LRP8: variants seen among roughly 807,000 people sequenced by gnomAD.
The protein encoded by LRP8 is low-density lipoprotein receptor-related protein 8.
Under a neutral mutation model 111.6 loss-of-function variants are expected in LRP8, and 46 were observed. That is an observed-to-expected ratio of 0.41 (90% CI 0.33 to 0.53). LRP8 has a LOEUF of 0.53. LRP8 is among the 20% of genes least tolerant of loss of function. The pLI, the probability that LRP8 is intolerant of heterozygous loss-of-function variation, is 0.20. For missense variants in LRP8, 959 were observed against 1,297.4 expected (o/e 0.74, Z 4.01); for synonymous variants, 464 against 511.2 (o/e 0.91, Z 1.24).
intron 2 of LRP8, among the ~76,000 whole-genome samples, chr1:53,319,560 G>C (rs1654228819): frequency 6.6e-6 from 1 of 152,224 alleles, no homozygotes; most frequent in Admixed American, 6.5e-5. Flanking sequence ...CTCTCCCATT[G>C]TGGGTACCTA....
At chr1:53,319,147 C>T (rs1321200529) in intron 2 of LRP8, among the ~76,000 whole-genome samples, 1 of 152,160 alleles carries the variant, frequency 6.6e-6, no homozygotes, top group East Asian at 1.9e-4. Flanking sequence ...TAATGAACTC[C>T]TGCACCGCCT....
intron 15 of LRP8, among the ~76,000 whole-genome samples, chr1:53,256,389 G>A (rs914411897): frequency 1.3e-5 from 2 of 152,252 alleles, no homozygotes; most frequent in Non-Finnish European, 2.9e-5. Context: ...AGAGCATGAG[G>A]AAGCCAGTGA....
At chr1:53,314,073 T>C (rs1653461723) in intron 2 of LRP8, among the ~76,000 whole-genome samples, 2 of 152,120 alleles carry the variant, frequency 1.3e-5, no homozygotes, top group Non-Finnish European at 2.9e-5. Flanking sequence ...AGAGAGGGGT[T>C]GTGATGACTC....
intron 2 of LRP8, among the ~76,000 whole-genome samples, chr1:53,325,271 G>GT (rs368129373): frequency 7.2e-5 from 11 of 152,370 alleles, no homozygotes; most frequent in Middle Eastern, 3.4e-3. Flanking sequence ...TAACAACTCA[G>GT]TAGCTGCTAA....
At chr1:53,325,262 A>G (rs1446364895) in intron 2 of LRP8, among the ~76,000 whole-genome samples, 1 of 152,238 alleles carries the variant, frequency 6.6e-6, no homozygotes, top group Admixed American at 6.5e-5. Context: ...GCTCCTACTT[A>G]ACAACTCAGT....
At chr1:53,299,106 C>G (rs1370725106) in intron 2 of LRP8, among the ~76,000 whole-genome samples, 2 of 151,814 alleles carry the variant, frequency 1.3e-5, no homozygotes, top group East Asian at 1.9e-4. Flanking sequence ...TCTGGTGGAG[C>G]GAATGATTGA....
At chr1:53,310,531 A>T (rs1185776359) in intron 2 of LRP8, among the ~76,000 whole-genome samples, 3 of 152,176 alleles carry the variant, frequency 2.0e-5, no homozygotes, top group African/African-American at 7.2e-5. Flanking sequence ...GATTACTGAC[A>T]ACCCAGAGGT....
At chr1:53,311,616 C>T (rs1434560223) in intron 2 of LRP8, among the ~76,000 whole-genome samples, 2 of 151,916 alleles carry the variant, frequency 1.3e-5, no homozygotes, top group Non-Finnish European at 2.9e-5. Context: ...CCAGTGTGCT[C>T]CCCAGCCCAC....
chr1:53,327,700 T>C lies in LRP8; in HGVS notation c.124+89A>G, dbSNP rs891283004. The C allele has an allele frequency of 7.4e-6, 10 of 1,346,532 alleles. No homozygotes were observed. In the Admixed American group the frequency reaches 2.3e-4, roughly 31 times the overall value. 83.4% of individuals were successfully genotyped at this position (1,346,532 alleles called of 1,614,324 possible). A position where few individuals can be genotyped will look rare whatever the true frequency, so the allele number is the denominator to read the frequency against. ...CCGGGAGCCCCCGATAGCCCCGGGT[T>C]CTGGACCCCTCCCCGCTCCGGCCTC... On this transcript the variant is annotated intron_variant, in intron 1 of 18. Coordinates refer to ENST00000306052, the MANE Select transcript of LRP8 (RefSeq NM_004631.5).
chr1:53,254,487 T>A (rs1208515429), intron 16 of LRP8, among the ~76,000 whole-genome samples: 1 of 152,054 alleles, frequency 6.6e-6, no homozygotes, highest in Non-Finnish European at 1.5e-5. Context: ...TCCTCAGCAC[T>A]GTCTCTGAAG....
At chr1:53,325,802 G>C (rs1209506501) in intron 2 of LRP8, among the ~76,000 whole-genome samples, 1 of 152,228 alleles carries the variant, frequency 6.6e-6, no homozygotes, top group African/African-American at 2.4e-5. Flanking sequence ...TGGCAGGGCT[G>C]GCCTGTCTTG....
In LRP8 at chr1:53,310,022, C is replaced by A. The variant is rs189572055; in HGVS notation, c.244+16851G>T. The stretch of plus-strand genomic sequence containing the variant: ...TGCACGTCTCGGATCACTGGACTGA[C>A]CTTTCCTGTCAGTTTAGCGGCCTTG... On this transcript the variant is annotated intron_variant, in intron 2 of 18. Transcript: ENST00000306052. Among the ~76,000 whole-genome samples the A allele has an allele frequency of 1.1e-4, 17 of 152,246 alleles. No homozygotes were observed. The East Asian group carries it at 2.5e-3, about 23-fold the overall frequency.
intron 4 of LRP8, among the ~76,000 whole-genome samples, chr1:53,278,332 TG>T (rs1267521882): frequency 1.1e-4 from 17 of 152,148 alleles, no homozygotes; most frequent in Non-Finnish European, 1.5e-5. Flanking sequence ...GGCCCCGGGA[TG>T]GGGGTAGGCC....
intron 15 of LRP8, among the ~76,000 whole-genome samples, chr1:53,257,032 A>G (rs1407699136): frequency 6.6e-6 from 1 of 152,194 alleles, no homozygotes; most frequent in Non-Finnish European, 1.5e-5. Context: ...ACAGGGTCTC[A>G]GCTTCCTACA....
chr1:53,259,875 C>T (rs1557758972), intron 13 of LRP8, among the ~76,000 whole-genome samples: 1 of 152,230 alleles, frequency 6.6e-6, no homozygotes, highest in Non-Finnish European at 1.5e-5. Flanking sequence ...CCAATCTTAG[C>T]TCCTTACACT....
intron 2 of LRP8, among the ~76,000 whole-genome samples, chr1:53,310,007 G>A (rs537029997): frequency 1.3e-5 from 2 of 152,198 alleles, no homozygotes; most frequent in African/African-American, 4.8e-5. Context: ...TGCACGTCTC[G>A]GATCACTGGA....
At position 53,294,011 on chromosome 1, in the gene LRP8, T is replaced by C. The variant is rs1049920226; in HGVS notation, c.245-4322A>G. On this transcript the variant is annotated intron_variant, in intron 2 of 18. Coordinates refer to ENST00000306052, the MANE Select transcript of LRP8 (RefSeq NM_004631.5). This position sits in a 1 kb window ranked among gnomAD's most constrained non-coding sequence, Gnocchi z 4.1. ...CCTCGTGAAGAGACCATATCAGCCC[T>C]GCCATGAGATGAGGGCTGTGCCGCC... Among the ~76,000 whole-genome samples, 3 of 152,310 alleles carry C rather than the reference T, an allele frequency of 2.0e-5. No homozygotes were observed. The highest frequency in any genetic ancestry group is 4.4e-5 in the Non-Finnish European group (3 of 68,018).
rs1467318777 is a variant in LRP8, at chr1:53,246,086, GGA to G, written c.*930_*931del. On this transcript the variant is annotated 3_prime_UTR_variant, in exon 19 of 19. Coordinates refer to ENST00000306052, the MANE Select transcript of LRP8 (RefSeq NM_004631.5). ...GAGTTTCTGAGCACTCTGGTACCAT[GGA>G]ATGTCTGTACACTGACCTTCGCCAA... 1 of 152,202 alleles carries G rather than the reference GGA, an allele frequency of 6.6e-6. No homozygotes were observed. Among genetic ancestry groups the G allele is most frequent in the African/African-American group, 2.4e-5 (1 of 41,450 alleles). 9.4% of individuals were successfully genotyped at this position (152,202 alleles called of 1,614,324 possible). A position where few individuals can be genotyped will look rare whatever the true frequency, so the allele number is the denominator to read the frequency against.
intron 15 of LRP8, among the ~76,000 whole-genome samples, chr1:53,256,543 T>C (rs1366117218): frequency 6.6e-6 from 1 of 152,212 alleles, no homozygotes; most frequent in Non-Finnish European, 1.5e-5. Flanking sequence ...AGGAAGATGT[T>C]GCCAAGCAGC....
Sources: allele counts gnomAD v4.1 joint callset (sites outside exome capture counted in the v4.1 genomes callset), GRCh38; gene constraint gnomAD v4.1.1; non-coding constraint Gnocchi (gnomAD v3.1); transcripts MANE v1.5; gene names NCBI Gene and HGNC (gene_info 2026-07-23, HGNC 2026-07-21).